The following CC2D1A variants were observed in gnomAD, a reference collection of about 807,000 sequenced individuals.
CC2D1A encodes the protein coiled-coil and C2 domain-containing protein 1A.
In CC2D1A, 68 loss-of-function variants were observed where a neutral mutation model predicts 123.8. The observed-to-expected ratio is 0.55, with a 90% CI of 0.45 to 0.67. CC2D1A has a LOEUF of 0.67. Ranked by LOEUF, CC2D1A falls within the 30% of genes least tolerant of loss-of-function variation. The probability of loss-of-function intolerance (pLI) is 0.00; values close to 1 mark genes in which losing one functional copy is unlikely to be tolerated. For missense variants in CC2D1A, 1,185 were observed against 1,290.3 expected (o/e 0.92, Z 1.25); for synonymous variants, 477 against 528.0 (o/e 0.90, Z 1.32).
At chr19:13,920,123 C>T in intron 12 of CC2D1A, 172 bp downstream of exon 12, 1 of 589,308 alleles carries the variant, frequency 1.7e-6, no homozygotes, top group East Asian at 3.0e-5. Context: ...TGGTGGGACT[C>T]ACCTGTAGTC....
At chr19:13,914,426 C>T (rs568721097) in intron 6 of CC2D1A, among the ~76,000 whole-genome samples, 2 of 151,634 alleles carry the variant, frequency 1.3e-5, no homozygotes, top group Admixed American at 6.6e-5. Context: ...CCTTTGCCTC[C>T]TGGGTTCAAG....
intron 17 of CC2D1A, among the ~76,000 whole-genome samples, chr19:13,925,961 C>T (rs28694717): frequency 0.02 from 2,006 of 98,080 alleles, 154 homozygotes; most frequent in African/African-American, 0.11. Context: ...TATATATATA[C>T]ACGTATATAT....
chr19:13,930,186 G>A lies in CC2D1A; in HGVS notation c.2787+32G>A, dbSNP rs775438485. The A allele has an allele frequency of 2.5e-6, 4 of 1,613,156 alleles. No homozygotes were observed. In the South Asian group the frequency reaches 4.4e-5, roughly 18 times the overall value. On this transcript the variant is annotated intron_variant, in intron 27 of 28. Coordinates refer to ENST00000318003, the MANE Select transcript of CC2D1A (RefSeq NM_017721.5). The surrounding 1 kb of genome is among the most constrained non-coding windows in gnomAD (Gnocchi z 6.8). ...TGGTCGCGGGCCGGGTGGGCACTGGGCAGCGGGCAGGGTGGGGCCTGCAGG... is the reference window on the plus strand; with the variant it reads ...TGGTCGCGGGCCGGGTGGGCACTGGACAGCGGGCAGGGTGGGGCCTGCAGG...
intron 12 of CC2D1A, 174 bp downstream of exon 12, chr19:13,920,125 C>G: frequency 3.4e-6 from 2 of 581,010 alleles, no homozygotes; most frequent in Non-Finnish European, 6.0e-6. Context: ...GTGGGACTCA[C>G]CTGTAGTCCC....
intron 14 of CC2D1A, among the ~76,000 whole-genome samples, chr19:13,921,731 A>T (rs1971415853): frequency 6.6e-6 from 1 of 152,138 alleles, no homozygotes; most frequent in Non-Finnish European, 1.5e-5. Context: ...CATGGCCTTG[A>T]GCAAAAAAGG....
At chr19:13,919,525 G>A (rs1971333391) in intron 11 of CC2D1A, among the ~76,000 whole-genome samples, 1 of 151,868 alleles carries the variant, frequency 6.6e-6, no homozygotes, top group Non-Finnish European at 1.5e-5. Flanking sequence ...ATCACTTGAG[G>A]CCAGGAGTTC....
chr19:13,911,399 C>T (rs1467019502), intron 2 of CC2D1A, among the ~76,000 whole-genome samples: 2 of 152,202 alleles, frequency 1.3e-5, no homozygotes, highest in Non-Finnish European at 2.9e-5. Context: ...TTCTCTGCTC[C>T]AACCTACCTA....
Position 13,930,744 on chromosome 19 carries a change from T to G in CC2D1A, c.*349T>G. ...TTTACTTCCTGTTCCTCCCCAGCCT[T>G]AACCCCAAAGCCCTCCTGCACCCCA... On this transcript the variant is annotated 3_prime_UTR_variant, in exon 29 of 29. Coordinates refer to ENST00000318003, the MANE Select transcript of CC2D1A (RefSeq NM_017721.5). This position sits in a 1 kb window ranked among gnomAD's most constrained non-coding sequence, Gnocchi z 6.8. 1 of 387,388 alleles carries G rather than the reference T, an allele frequency of 2.6e-6. No individual in the cohort carries two copies. The highest frequency in any genetic ancestry group is 4.6e-6 in the Non-Finnish European group (1 of 215,204). 24.0% of individuals were successfully genotyped at this position (387,388 alleles called of 1,614,324 possible).
At position 13,920,667 on chromosome 19, in the gene CC2D1A, A is replaced by C; in HGVS notation, c.1467A>C (p.Arg489Ser). 1 of 1,608,420 alleles carries C rather than the reference A, an allele frequency of 6.2e-7. No individual in the cohort carries two copies. Among genetic ancestry groups the C allele is most frequent in the Middle Eastern group, 1.7e-4 (1 of 6,052 alleles). ...AKAPPKATST[R>S]AQQQLAFLEG... ...CGCCCCCCAAAGCCACATCCACCAG[A>C]GGTAAGTTCCCCCTCCCCGCCCCAG... The change falls in exon 13 of 29, where the codon AGA becomes AGC. Residue 489 changes from arginine (R) to serine (S), a missense_variant and splice_region_variant. By Grantham distance (110) the Arg-to-Ser change is moderately radical (BLOSUM62 -1). Coordinates refer to ENST00000318003, the MANE Select transcript of CC2D1A (RefSeq NM_017721.5).
chr19:13,914,380 G>T (rs1971125343), intron 6 of CC2D1A, among the ~76,000 whole-genome samples: 1 of 151,434 alleles, frequency 6.6e-6, no homozygotes, highest in Admixed American at 6.6e-5. Flanking sequence ...TGTCACCCAG[G>T]CTGGAGTGCA....
In CC2D1A at chr19:13,913,496, G is replaced by C; in HGVS notation, c.606G>C (p.Ala202=). 1 of 1,614,176 alleles carries C rather than the reference G, an allele frequency of 6.2e-7. No homozygotes were observed. Among genetic ancestry groups the C allele is most frequent in the East Asian group, 2.2e-5 (1 of 44,876 alleles). The part of the protein sequence containing the change: ...PPPVAIGKGP[A]STPTYSPAPT... ...CAGTGGCCATAGGAAAAGGCCCGGC[G>C]TCCACGCCTACCTACAGCCCTGCAC... The change falls in exon 6 of 29, where the codon GCG becomes GCC. Residue 202 remains alanine, a synonymous_variant. Coordinates refer to ENST00000318003, the MANE Select transcript of CC2D1A (RefSeq NM_017721.5).
chr19:13,928,937 G>A (rs1212021605), intron 24 of CC2D1A, among the ~76,000 whole-genome samples: 6 of 151,704 alleles, frequency 4.0e-5, no homozygotes, highest in African/African-American at 1.5e-4. Context: ...TCGAACTCCC[G>A]ACCTCAGGTG....
rs1259017721 is a variant in CC2D1A, at chr19:13,912,353, T to C, written c.227T>C (p.Met76Thr). 3 of 1,611,610 alleles carry C rather than the reference T, an allele frequency of 1.9e-6. No homozygotes were observed. The highest frequency in any genetic ancestry group is 2.5e-6 in the Non-Finnish European group (3 of 1,179,088). Residue 76 changes from methionine to threonine, a missense_variant, in exon 3 of 29, where the codon ATG (methionine) becomes ACG (threonine). Coordinates refer to ENST00000318003, the MANE Select transcript of CC2D1A (RefSeq NM_017721.5). ...TTGCCGATGGAGGCCATTGAGAAGATGGCCAGCCTGTGCATGAGAGACCCG... is the reference window on the plus strand; with the variant it reads ...TTGCCGATGGAGGCCATTGAGAAGACGGCCAGCCTGTGCATGAGAGACCCG... ...GPLPMEAIEK[M>T]ASLCMRDPDE...
chr19:13,919,020 G>A lies in CC2D1A; in HGVS notation c.1127G>A (p.Arg376Gln). The A allele has an allele frequency of 6.2e-7, 1 of 1,607,882 alleles. No individual in the cohort carries two copies. Among genetic ancestry groups the A allele is most frequent in the Non-Finnish European group, 8.5e-7 (1 of 1,177,050 alleles). ...AKSKGDQRKA[R>Q]MHERIVKQYQ... is the part of the protein sequence containing the mutation. ...AGCAAGGGGGACCAGCGGAAAGCTC[G>A]AATGCACGAGCGCATCGTCAAGGTG... Residue 376 changes from arginine (R) to glutamine (Q), a missense_variant, in exon 10 of 29, where the codon CGA (arginine) becomes CAA (glutamine). Coordinates refer to ENST00000318003, the MANE Select transcript of CC2D1A (RefSeq NM_017721.5).
chr19:13,926,047 CGTATATATATGTATATAT>C (rs1166813212), intron 17 of CC2D1A, among the ~76,000 whole-genome samples: 47 of 61,064 alleles, frequency 7.7e-4, no homozygotes, highest in Non-Finnish European at 9.5e-4. Context: ...TATATATACA[CGTATATATATGTATATAT>C]ACACACACAC....
At chr19:13,928,704 C>CTT (rs60455051) in intron 24 of CC2D1A, among the ~76,000 whole-genome samples, 215 of 109,186 alleles carry the variant, frequency 2.0e-3, no homozygotes, top group Non-Finnish European at 2.6e-3. Context: ...CCCAGTGTGT[C>CTT]TTTTTTTTTT....
In CC2D1A at chr19:13,912,146, C is replaced by T. The variant is rs866689134; in HGVS notation, c.197-177C>T. On this transcript the variant is annotated intron_variant, in intron 2 of 28. Coordinates refer to ENST00000318003, the MANE Select transcript of CC2D1A (RefSeq NM_017721.5). ...GATTATAGGCGTGAGTCACTGTGCC[C>T]GGTCTGCAGAGCTGGGTTTTGAATT... Among the ~76,000 whole-genome samples, 7 of 152,036 alleles carry T rather than the reference C, an allele frequency of 4.6e-5. No homozygotes were observed. In the East Asian group the frequency reaches 5.8e-4, roughly 13 times the overall value.
intron 17 of CC2D1A, among the ~76,000 whole-genome samples, chr19:13,925,933 A>ATATATATAT (rs1555735762): frequency 1.1e-5 from 1 of 91,044 alleles, no homozygotes; most frequent in African/African-American, 6.8e-5. Flanking sequence ...AAAAAAAAAA[A>ATATATATAT]ATATATATAT....
intron 4 of CC2D1A, 49 bp from the exon 5 acceptor site, chr19:13,913,119 G>A: frequency 6.6e-7 from 1 of 1,520,400 alleles, no homozygotes. Context: ...GCTAACAGGG[G>A]CATCCCAAGT....
Sources: allele counts gnomAD v4.1 joint callset (sites outside exome capture counted in the v4.1 genomes callset), GRCh38; gene constraint gnomAD v4.1.1; non-coding constraint Gnocchi (gnomAD v3.1); transcripts MANE v1.5; gene names NCBI Gene and HGNC (gene_info 2026-07-23, HGNC 2026-07-21).